Variants in NME7 observed in about 807,000 individuals in gnomAD.
NME7 encodes the protein NME/NM23 family member 7, also known as nucleoside diphosphate kinase 7.
Under a neutral mutation model 49.1 loss-of-function variants are expected in NME7, and 41 were observed. That is an observed-to-expected ratio of 0.83 (90% confidence interval 0.65 to 1.08). The LOEUF (loss-of-function observed/expected upper bound fraction) is 1.08, where lower values mean the gene tolerates loss of function less well. NME7 is among the 50% of genes least tolerant of loss of function. The pLI, the probability that NME7 is intolerant of heterozygous loss-of-function variation, is 0.00. For synonymous variants in NME7, 139 were observed against 150.6 expected, an observed-to-expected ratio of 0.92 and a Z score of 0.56; for missense variants, 423 against 463.4, an observed-to-expected ratio of 0.91 and a Z score of 0.80.
At chr1:169,244,250 C>A (rs1648211986) in intron 7 of NME7, among the ~76,000 whole-genome samples, 1 of 151,996 alleles carries the variant, frequency 6.6e-6, no homozygotes, top group Non-Finnish European at 1.5e-5. Flanking sequence ...TGATTCTTAT[C>A]AATTTGGCAG....
intron 1 of NME7, among the ~76,000 whole-genome samples, chr1:169,340,990 T>C (rs983137547): frequency 3.9e-5 from 6 of 152,094 alleles, no homozygotes; most frequent in African/African-American, 1.4e-4. Context: ...GAAAAACCCA[T>C]TTTCTAGGGA....
At chr1:169,156,915 TAG>T (rs1215267372) in intron 11 of NME7, among the ~76,000 whole-genome samples, 1 of 152,258 alleles carries the variant, frequency 6.6e-6, no homozygotes, top group Non-Finnish European at 1.5e-5. Context: ...ACGATGAATG[TAG>T]AGACTTCTGA....
intron 11 of NME7, among the ~76,000 whole-genome samples, chr1:169,155,234 A>C (rs1012214958): frequency 6.6e-6 from 1 of 152,230 alleles, no homozygotes; most frequent in African/African-American, 2.4e-5. Flanking sequence ...CTCCATAAGC[A>C]TGTGTAACTT....
intron 1 of NME7, among the ~76,000 whole-genome samples, chr1:169,353,763 A>G (rs111321677): frequency 0.025 from 3,881 of 152,258 alleles, 141 homozygotes; most frequent in African/African-American, 0.087. Flanking sequence ...ACGTTTCTCA[A>G]AAGAAGACAA....
At chr1:169,309,617 C>T (rs996425878) in intron 4 of NME7, among the ~76,000 whole-genome samples, 1 of 152,112 alleles carries the variant, frequency 6.6e-6, no homozygotes, top group African/African-American at 2.4e-5. Context: ...TAGAGAAATC[C>T]TTTATTTTAA....
intron 3 of NME7, 63 bp downstream of exon 3, chr1:169,323,054 A>G: frequency 7.4e-6 from 10 of 1,344,496 alleles, no homozygotes; most frequent in Non-Finnish European, 9.9e-6. Context: ...CCCAGTCTTG[A>G]TTCAGATTGA....
chr1:169,172,197 A>G (rs1219147605), intron 10 of NME7, among the ~76,000 whole-genome samples: 1 of 151,948 alleles, frequency 6.6e-6, no homozygotes, highest in Admixed American at 6.6e-5. Context: ...TCTCTCCTGC[A>G]CGTTTTAGAG....
At position 169,274,599 on chromosome 1, in the gene NME7, G is replaced by T. The variant is rs1451643580; in HGVS notation, c.754+12704C>A. Among the ~76,000 whole-genome samples the T allele has an allele frequency of 1.5e-5, 2 of 133,326 alleles. 1 individual carries two copies. Among genetic ancestry groups the T allele is most frequent in the Admixed American group, 1.5e-4 (2 of 13,582 alleles). 87.5% of individuals were successfully genotyped at this position (133,326 alleles called of 152,430 possible). On this transcript the variant is annotated intron_variant, in intron 7 of 11. Coordinates refer to ENST00000367811, the MANE Select transcript of NME7 (RefSeq NM_013330.5). ...TTCTTCTAGGGTTTTTATGGTTTTA[G>T]GTCTAACGTTTAAGTCTTTAATCCA... is the stretch of plus-strand genomic sequence containing the variant.
chr1:169,252,604 GT>G (rs956549670), intron 7 of NME7, among the ~76,000 whole-genome samples: 3 of 152,174 alleles, frequency 2.0e-5, no homozygotes, highest in Non-Finnish European at 4.4e-5. Context: ...TGCTGCCATT[GT>G]TTTTGGTGTT....
At chr1:169,323,765 G>T (rs936411541) in intron 2 of NME7, among the ~76,000 whole-genome samples, 3 of 149,804 alleles carry the variant, frequency 2.0e-5, no homozygotes, top group Non-Finnish European at 4.4e-5. Flanking sequence ...ACGTATTTAT[G>T]ACCATAATAA....
intron 7 of NME7, among the ~76,000 whole-genome samples, chr1:169,258,556 C>A (rs115987262): frequency 7.8e-6 from 1 of 127,778 alleles, no homozygotes; most frequent in Admixed American, 7.8e-5. Flanking sequence ...CAAATTTAGA[C>A]ATCTTATTAT....
chr1:169,285,040 T>C (rs1406661412), intron 7 of NME7: 1 of 152,166 alleles, frequency 6.6e-6, no homozygotes, highest in Non-Finnish European at 1.5e-5. Context: ...TGTATATATG[T>C]ATATGTACAC....
chr1:169,157,112 G>C (rs1459830882), intron 11 of NME7, among the ~76,000 whole-genome samples: 1 of 152,156 alleles, frequency 6.6e-6, no homozygotes, highest in Non-Finnish European at 1.5e-5. Flanking sequence ...CTGGCAACTG[G>C]CAGGTGGAGG....
intron 6 of NME7, among the ~76,000 whole-genome samples, chr1:169,294,639 G>C (rs929403988): frequency 6.6e-6 from 1 of 151,912 alleles, no homozygotes; most frequent in Non-Finnish European, 1.5e-5. Context: ...TTAATTCCTA[G>C]AGCCACCTAA....
chr1:169,343,648 T>C (rs1652856746), intron 1 of NME7, among the ~76,000 whole-genome samples: 1 of 152,072 alleles, frequency 6.6e-6, no homozygotes, highest in Non-Finnish European at 1.5e-5. Flanking sequence ...CATGCCACCA[T>C]GCCTGGCTAA....
intron 1 of NME7, among the ~76,000 whole-genome samples, chr1:169,326,451 T>C (rs76692040): frequency 0.048 from 7,241 of 152,204 alleles, 228 homozygotes; most frequent in East Asian, 0.12. Context: ...CCAACATTCA[T>C]TGCGTTGTCT....
intron 6 of NME7, among the ~76,000 whole-genome samples, chr1:169,291,060 TGA>T (rs1242468306): frequency 6.6e-6 from 1 of 152,152 alleles, no homozygotes; most frequent in East Asian, 1.9e-4. Flanking sequence ...ACACTGTTGG[TGA>T]GAGTGTAAAT....
At chr1:169,354,572 T>C (rs956516654) in intron 1 of NME7, among the ~76,000 whole-genome samples, 1 of 151,110 alleles carries the variant, frequency 6.6e-6, no homozygotes, top group African/African-American at 2.4e-5. Context: ...AGGAAATGGA[T>C]ACCAAATTTT....
Position 169,239,086 on chromosome 1 carries a change from T to C in NME7, c.755-1399A>G, listed in dbSNP as rs571405219. The stretch of plus-strand genomic sequence containing the variant: ...CAAAAAGAAACACTGCCAAAAGAAA[T>C]GAGAAGTCAACAAAAATGTTGAGTG... On this transcript the variant is annotated intron_variant, in intron 7 of 11. Coordinates refer to ENST00000367811, the MANE Select transcript of NME7 (RefSeq NM_013330.5). 2.6e-5 allele frequency among the ~76,000 whole-genome samples: 4 copies of C among 151,880 alleles called. No homozygotes were observed. The East Asian group carries it at 5.8e-4, about 22-fold the overall frequency.
Sources: allele counts gnomAD v4.1 joint callset (sites outside exome capture counted in the v4.1 genomes callset), GRCh38; gene constraint gnomAD v4.1.1; transcripts MANE v1.5; gene names NCBI Gene and HGNC (gene_info 2026-07-23, HGNC 2026-07-21).